The following PIBF1 variants were observed in gnomAD, a reference collection of about 807,000 sequenced individuals.
PIBF1 encodes progesterone immunomodulatory binding factor 1, also known as progesterone-induced-blocking factor 1.
A neutral mutation model predicts 112.5 loss-of-function variants in PIBF1; 90 were observed. The ratio of observed to expected loss-of-function variants is 0.80; its 90% confidence interval spans 0.67 to 0.95. The LOEUF (loss-of-function observed/expected upper bound fraction) is 0.95. PIBF1 is among the 40% of genes least tolerant of loss of function. The probability of loss-of-function intolerance (pLI) is 0.00; values close to 1 mark genes in which losing one functional copy is unlikely to be tolerated. For synonymous variants in PIBF1, 301 were observed against 288.6 expected, an observed-to-expected ratio of 1.04 and a Z score of -0.44; for missense variants, 915 against 852.3, an observed-to-expected ratio of 1.07 and a Z score of -0.92.
intron 10 of PIBF1, among the ~76,000 whole-genome samples, chr13:72,872,479 C>A (rs1404335080): frequency 6.6e-6 from 1 of 152,088 alleles, no homozygotes; most frequent in East Asian, 1.9e-4. Context: ...GGAGAAAGAA[C>A]AAGCCTATAC....
chr13:72,937,991 T>A (rs2041916603), intron 14 of PIBF1, among the ~76,000 whole-genome samples: 1 of 152,190 alleles, frequency 6.6e-6, no homozygotes, highest in Non-Finnish European at 1.5e-5. Context: ...CCTTTAACAA[T>A]TTTTATAGAG....
Position 72,821,847 on chromosome 13 carries a change from A to G in PIBF1, c.673-2A>G. 1 of 1,608,220 alleles carries G rather than the reference A, an allele frequency of 6.2e-7. No individual in the cohort carries two copies. Among genetic ancestry groups the G allele is most frequent in the Non-Finnish European group, 8.5e-7 (1 of 1,176,676 alleles). ...ATGTGTTATTATTCCTTTGGTTTAT[A>G]GACATATGAGGAAGATCGAAAAAAC... On this transcript the variant is annotated splice_acceptor_variant, in intron 5 of 17. Coordinates refer to ENST00000326291, the MANE Select transcript of PIBF1 (RefSeq NM_006346.4). LOFTEE classifies it high-confidence loss of function.
intron 14 of PIBF1, among the ~76,000 whole-genome samples, chr13:72,949,596 C>T (rs902794698): frequency 2.6e-5 from 4 of 152,112 alleles, no homozygotes; most frequent in African/African-American, 7.2e-5. Context: ...GGATTACAGG[C>T]GTGAGCCACG....
intron 14 of PIBF1, among the ~76,000 whole-genome samples, chr13:72,964,424 ATTATGAATG>A (rs1247351189): frequency 6.6e-6 from 1 of 152,232 alleles, no homozygotes; most frequent in Non-Finnish European, 1.5e-5. Flanking sequence ...GCTATTCAAC[ATTATGAATG>A]TACTTAATGC....
At chr13:72,802,258 G>A (rs950600183) in intron 5 of PIBF1, among the ~76,000 whole-genome samples, 5 of 152,070 alleles carry the variant, frequency 3.3e-5, no homozygotes, top group African/African-American at 7.2e-5. Flanking sequence ...ATAGTAGACC[G>A]TCAACAAATG....
intron 6 of PIBF1, among the ~76,000 whole-genome samples, chr13:72,825,279 A>C (rs1010220604): frequency 6.6e-6 from 1 of 152,226 alleles, no homozygotes; most frequent in African/African-American, 2.4e-5. Flanking sequence ...AGTCTCCTGA[A>C]TATGATAATT....
At chr13:72,792,682 T>C in intron 3 of PIBF1, 135 bp downstream of exon 3, 1 of 556,582 alleles carries the variant, frequency 1.8e-6, no homozygotes, top group East Asian at 3.2e-5. Context: ...TTTTTACACC[T>C]AGACCACAAA....
intron 9 of PIBF1, among the ~76,000 whole-genome samples, chr13:72,840,754 G>C (rs903795014): frequency 1.3e-5 from 2 of 152,014 alleles, no homozygotes; most frequent in African/African-American, 4.8e-5. Context: ...TCAAACTCCT[G>C]ACCTCAGGTA....
chr13:72,897,933 G>T (rs1369401771), intron 11 of PIBF1, among the ~76,000 whole-genome samples: 1 of 152,150 alleles, frequency 6.6e-6, no homozygotes, highest in African/African-American at 2.4e-5. Context: ...GATTTAACTG[G>T]ATTTAAACTG....
intron 14 of PIBF1, among the ~76,000 whole-genome samples, chr13:72,945,964 T>C (rs1386129762): frequency 6.6e-6 from 1 of 152,112 alleles, no homozygotes; most frequent in Non-Finnish European, 1.5e-5. Context: ...TAACTGGACT[T>C]TCCAGAACAT....
chr13:72,858,486 G>A (rs956637304), intron 10 of PIBF1, among the ~76,000 whole-genome samples: 4 of 152,146 alleles, frequency 2.6e-5, no homozygotes, highest in African/African-American at 9.7e-5. Context: ...TAAAAGAATT[G>A]TAATTCATGA....
At chr13:72,990,830 A>G (rs1382332231) in intron 16 of PIBF1, among the ~76,000 whole-genome samples, 1 of 152,248 alleles carries the variant, frequency 6.6e-6, no homozygotes, top group Admixed American at 6.5e-5. Context: ...CCTGAGTGAC[A>G]GAGCGAGACT....
chr13:72,927,992 C>CATATATATAT (rs1566458232), intron 13 of PIBF1, among the ~76,000 whole-genome samples: 5 of 50,760 alleles, frequency 9.9e-5, no homozygotes, highest in Admixed American at 2.0e-4. Flanking sequence ...TATATATACA[C>CATATATATAT]ACACATATAT....
chr13:72,841,211 A>C (rs540971211), intron 9 of PIBF1, among the ~76,000 whole-genome samples: 1 of 152,362 alleles, frequency 6.6e-6, no homozygotes, highest in South Asian at 2.1e-4. Context: ...TAGTTACTTA[A>C]AATTCCACTT....
chr13:72,847,479 A>G (rs1044260398), intron 9 of PIBF1, among the ~76,000 whole-genome samples: 7 of 152,164 alleles, frequency 4.6e-5, no homozygotes, highest in African/African-American at 1.7e-4. Context: ...AGCCAAACTC[A>G]CCCTTTTATA....
chr13:72,913,286 C>T (rs2040959466), intron 12 of PIBF1, among the ~76,000 whole-genome samples: 1 of 151,948 alleles, frequency 6.6e-6, no homozygotes, highest in African/African-American at 2.4e-5. Flanking sequence ...AAAATTTATA[C>T]ATGGTGAAAG....
At chr13:72,971,176 CAGAG>C (rs1253923846) in intron 15 of PIBF1, among the ~76,000 whole-genome samples, 1 of 132,968 alleles carries the variant, frequency 7.5e-6, no homozygotes, top group Admixed American at 8.4e-5. Context: ...GTATTTGAAA[CAGAG>C]AGTGAGTGTG....
At chr13:73,012,211 G>A (rs895901099) in intron 17 of PIBF1, among the ~76,000 whole-genome samples, 4 of 152,066 alleles carry the variant, frequency 2.6e-5, no homozygotes, top group Admixed American at 1.3e-4. Flanking sequence ...AACTAGCTGG[G>A]TGTAGTGGCA....
chr13:72,834,804 T>C (rs1477988938), intron 8 of PIBF1, among the ~76,000 whole-genome samples: 1 of 152,326 alleles, frequency 6.6e-6, no homozygotes, highest in Admixed American at 6.5e-5. Context: ...GTTGTCATGC[T>C]TGGAAGCAAA....
Sources: allele counts gnomAD v4.1 joint callset (sites outside exome capture counted in the v4.1 genomes callset), GRCh38; gene constraint gnomAD v4.1.1; transcripts MANE v1.5; gene names NCBI Gene and HGNC (gene_info 2026-07-23, HGNC 2026-07-21).